Variants in CACNA1D observed in about 807,000 individuals in gnomAD.
CACNA1D encodes the protein calcium voltage-gated channel subunit alpha1 D.
CACNA1D carries 55 observed loss-of-function variants against 257.1 expected under a neutral mutation model. The ratio of observed to expected loss-of-function variants is 0.21; its 90% CI spans 0.17 to 0.27. CACNA1D has a LOEUF of 0.27. Ranked by LOEUF, CACNA1D falls within the 10% of genes least tolerant of loss-of-function variation. The pLI, the probability that CACNA1D is intolerant of heterozygous loss-of-function variation, is 1.00. For synonymous variants in CACNA1D, 980 were observed against 1,014.9 expected, an observed-to-expected ratio of 0.97 and a Z score of 0.65; for missense variants, 1,876 against 2,784.0, an observed-to-expected ratio of 0.67 and a Z score of 7.34.
intron 3 of CACNA1D, among the ~76,000 whole-genome samples, chr3:53,536,113 TG>T (rs1249296871): frequency 1.3e-5 from 2 of 152,200 alleles, no homozygotes; most frequent in Non-Finnish European, 2.9e-5. Flanking sequence ...CTGTGGACAC[TG>T]GTGCTTTCAG....
chr3:53,701,168 G>A (rs558442026), intron 8 of CACNA1D, among the ~76,000 whole-genome samples: 2 of 152,008 alleles, frequency 1.3e-5, no homozygotes, highest in African/African-American at 2.4e-5. Flanking sequence ...TGGAGACAGC[G>A]TCTTGCTCTG....
chr3:53,495,132 C>T lies in CACNA1D; in HGVS notation c.-35C>T. ...CCCGCCTCAACGCCCAGCACAGTGC[C>T]CTGCACACAGTAGTCGCTCAATAAA... On this transcript the variant is annotated 5_prime_UTR_variant, in exon 1 of 48. Coordinates refer to ENST00000350061, the MANE Select transcript of CACNA1D (RefSeq NM_001128840.3). The surrounding 1 kb of genome is among the most constrained non-coding windows in gnomAD (Gnocchi z 5.1). The T allele has an allele frequency of 1.3e-6, 2 of 1,582,520 alleles. No homozygotes were observed. Among genetic ancestry groups the T allele is most frequent in the Non-Finnish European group, 1.7e-6 (2 of 1,153,034 alleles).
chr3:53,805,188 A>G, intron 45 of CACNA1D, 42 bp downstream of exon 45: 1 of 1,588,352 alleles, frequency 6.3e-7, no homozygotes, highest in Non-Finnish European at 8.6e-7. Context: ...CTCCCGGGGA[A>G]CAGTGTACCT....
At chr3:53,713,224 A>G (rs2094779383) in intron 9 of CACNA1D, among the ~76,000 whole-genome samples, 1 of 152,212 alleles carries the variant, frequency 6.6e-6, no homozygotes, top group South Asian at 2.1e-4. Flanking sequence ...GCCTTCCTGC[A>G]GTTATAGCAG....
At chr3:53,761,073 G>A (rs1257565112) in intron 29 of CACNA1D, among the ~76,000 whole-genome samples, 1 of 152,212 alleles carries the variant, frequency 6.6e-6, no homozygotes, top group East Asian at 1.9e-4. Flanking sequence ...TTGAAGAAGG[G>A]TGAAGTTGAA....
At chr3:53,734,336 T>G (rs2095035523) in intron 19 of CACNA1D, among the ~76,000 whole-genome samples, 1 of 151,830 alleles carries the variant, frequency 6.6e-6, no homozygotes, top group Non-Finnish European at 1.5e-5. Context: ...TACACACGTA[T>G]ATACTTTAGA....
chr3:53,803,508 G>C lies in CACNA1D; in HGVS notation c.5521G>C (p.Gly1841Arg), dbSNP rs201141889. The stretch of plus-strand genomic sequence containing the variant: ...CTATTTCAGGGACCCCCACTGCTTG[G>C]GGGAGCAGGAGTATTTCAGTAGTGA... ...HGYFRDPHCL[G>R]EQEYFSSEEC... is the part of the protein sequence containing the mutation. The change falls in exon 44 of 48, where the codon GGG becomes CGG. Residue 1841 changes from glycine to arginine, a missense_variant. This residue lies in a region of CACNA1D where 491 missense variants were observed against 554.3 expected (regional missense o/e 0.89). Coordinates refer to ENST00000350061, the MANE Select transcript of CACNA1D (RefSeq NM_001128840.3). The C allele has an allele frequency of 1.9e-6, 3 of 1,614,052 alleles. No homozygotes were observed. Among genetic ancestry groups the C allele is most frequent in the African/African-American group, 1.3e-5 (1 of 74,938 alleles).
intron 8 of CACNA1D, among the ~76,000 whole-genome samples, chr3:53,702,256 G>A (rs1050774708): frequency 1.1e-4 from 17 of 152,204 alleles, no homozygotes; most frequent in African/African-American, 4.1e-4. Flanking sequence ...GCCCATTTGG[G>A]TCCCTCCTCT....
At chr3:53,606,815 G>A (rs1340960402) in intron 3 of CACNA1D, among the ~76,000 whole-genome samples, 2 of 152,188 alleles carry the variant, frequency 1.3e-5, no homozygotes, top group African/African-American at 4.8e-5. Context: ...GCCCTATCTA[G>A]TCAGTCCTCA....
intron 8 of CACNA1D, among the ~76,000 whole-genome samples, chr3:53,692,633 T>C (rs1327878952): frequency 6.6e-6 from 1 of 152,214 alleles, no homozygotes; most frequent in East Asian, 1.9e-4. Flanking sequence ...CTAATTCCTG[T>C]GTTCTGTTCA....
At chr3:53,521,058 T>A (rs767883410) in intron 3 of CACNA1D, among the ~76,000 whole-genome samples, 16 of 151,924 alleles carry the variant, frequency 1.1e-4, no homozygotes, top group Non-Finnish European at 1.5e-4. Flanking sequence ...CTTTCTCTTT[T>A]CTTCAGGCTT....
At chr3:53,703,870 G>A (rs2094654074) in intron 9 of CACNA1D, among the ~76,000 whole-genome samples, 1 of 152,172 alleles carries the variant, frequency 6.6e-6, no homozygotes, top group African/African-American at 2.4e-5. Flanking sequence ...CTGGGGAGCA[G>A]AGCTGCAGGG....
At chr3:53,795,552 T>C (rs2095503996) in intron 40 of CACNA1D, among the ~76,000 whole-genome samples, 2 of 152,312 alleles carry the variant, frequency 1.3e-5, no homozygotes, top group Admixed American at 1.3e-4. Context: ...ACTTTGGCTC[T>C]CCCTTCCTCC....
At position 53,743,028 on chromosome 3, in the gene CACNA1D, T is replaced by G. The variant is rs757636632; in HGVS notation, c.2829T>G (p.Ala943=). ...EILLKMTTFG[A]FLHKGAFCRN... ...GCTTCTAGATGACAACTTTTGGAGCTTTCCTCCACAAAGGGGCCTTCTGCA... is the reference window on the plus strand; with the variant it reads ...GCTTCTAGATGACAACTTTTGGAGCGTTCCTCCACAAAGGGGCCTTCTGCA... The change falls in exon 22 of 48, where the codon GCT becomes GCG. Residue 943 remains alanine (A), a synonymous_variant. Transcript: ENST00000350061. The G allele has an allele frequency of 2.5e-6, 4 of 1,612,250 alleles. No homozygotes were observed. The African/African-American group carries it at 5.3e-5, about 22-fold the overall frequency.
At chr3:53,697,397 A>G (rs2094582537) in intron 8 of CACNA1D, among the ~76,000 whole-genome samples, 1 of 152,182 alleles carries the variant, frequency 6.6e-6, no homozygotes, top group African/African-American at 2.4e-5. Flanking sequence ...CGCCAAGGGG[A>G]AATAGAGACA....
chr3:53,695,967 T>G (rs553897887), intron 8 of CACNA1D, among the ~76,000 whole-genome samples: 185 of 152,200 alleles, frequency 1.2e-3, no homozygotes, highest in Non-Finnish European at 1.9e-3. Context: ...TTTTTTTGTT[T>G]GTTTGATTGT....
rs2109026824 is a variant in CACNA1D at position 53,774,660 on chromosome 3, C to T, written c.4184C>T (p.Ala1395Val). The change falls in exon 34 of 48, where the codon GCG becomes GTG. Residue 1395 changes from alanine to valine, a missense_variant. Physicochemically the swap from Ala to Val is moderately conservative, Grantham distance 64. Coordinates refer to ENST00000350061, the MANE Select transcript of CACNA1D (RefSeq NM_001128840.3). The surrounding 1 kb of genome is among the most constrained non-coding windows in gnomAD (Gnocchi z 4.3). ...RNNNFQTFPQAVLLLFRCATG... is the reference protein window; with the variant it reads ...RNNNFQTFPQVVLLLFRCATG... The stretch of plus-strand genomic sequence containing the variant: ...AATAACTTCCAGACGTTTCCCCAGG[C>T]GGTGCTGCTGCTCTTCAGGTGACTG... 1.2e-6 allele frequency: 2 copies of T among 1,610,628 alleles called. No individual in the cohort carries two copies. Among genetic ancestry groups the T allele is most frequent in the Non-Finnish European group, 8.5e-7 (1 of 1,176,842 alleles).
chr3:53,568,167 C>G (rs182209105), intron 3 of CACNA1D, among the ~76,000 whole-genome samples: 2 of 152,222 alleles, frequency 1.3e-5, no homozygotes, highest in East Asian at 1.9e-4. Flanking sequence ...TTGGTAAGAC[C>G]TCAGACTTGC....
Position 53,495,261 on chromosome 3 carries a change from T to G in CACNA1D, c.67+28T>G, listed in dbSNP as rs1242751024. 3.1e-6 allele frequency: 5 copies of G among 1,612,956 alleles called. No individual in the cohort carries two copies. The highest frequency in any genetic ancestry group is 4.2e-6 in the Non-Finnish European group (5 of 1,179,878). On this transcript the variant is annotated intron_variant, in intron 1 of 47. Transcript: ENST00000350061. The surrounding 1 kb of genome is among the most constrained non-coding windows in gnomAD (Gnocchi z 5.1). ...GAGCAGCCAGAGCCCGGGCACCCGC[T>G]GCCAAATCCGATCCTGTCATGGTCC...
Sources: allele counts gnomAD v4.1 joint callset (sites outside exome capture counted in the v4.1 genomes callset), GRCh38; gene constraint gnomAD v4.1.1; regional missense constraint gnomAD v4.1.1; non-coding constraint Gnocchi (gnomAD v3.1); transcripts MANE v1.5; gene names NCBI Gene and HGNC (gene_info 2026-07-23, HGNC 2026-07-21).